FAM167A: variants seen among roughly 807,000 people sequenced by gnomAD.
FAM167A encodes protein FAM167A.
A neutral mutation model predicts 14.9 loss-of-function variants in FAM167A; 23 were observed. That is an observed-to-expected ratio of 1.55 (90% CI 1.11 to 2.19). FAM167A has a LOEUF of 2.19. Among genes scored for constraint, FAM167A ranks in the 30% most tolerant of loss-of-function variants. The pLI is 0.00. For missense variants in FAM167A, 401 were observed against 281.5 expected (o/e 1.42, Z -3.04); for synonymous variants, 174 against 117.7 (o/e 1.48, Z -3.10).
At chr8:11,425,608 G>T (rs1037175634) in intron 2 of FAM167A, among the ~76,000 whole-genome samples, 5 of 152,054 alleles carry the variant, frequency 3.3e-5, no homozygotes, top group Non-Finnish European at 5.9e-5. Context: ...GGACCCCAGA[G>T]AAGCCTGAAA....
intron 1 of FAM167A, among the ~76,000 whole-genome samples, chr8:11,455,811 G>A (rs1415602359): frequency 2.0e-5 from 3 of 149,502 alleles, no homozygotes; most frequent in East Asian, 4.0e-4. Flanking sequence ...GTGTTGGGTG[G>A]TTGCCTTGCT....
intron 2 of FAM167A, among the ~76,000 whole-genome samples, chr8:11,429,382 G>C (rs535791975): frequency 8.5e-5 from 13 of 152,226 alleles, no homozygotes; most frequent in African/African-American, 1.2e-4. Flanking sequence ...AAGGCACAGA[G>C]GGCTGCGCCA....
intron 1 of FAM167A, among the ~76,000 whole-genome samples, chr8:11,461,623 C>T (rs1036213748): frequency 6.6e-6 from 1 of 152,246 alleles, no homozygotes; most frequent in African/African-American, 2.4e-5. Flanking sequence ...GATGTGTGCC[C>T]TCCCCTGTGG....
chr8:11,463,941 T>C (rs527556577), intron 1 of FAM167A, among the ~76,000 whole-genome samples: 3 of 152,294 alleles, frequency 2.0e-5, no homozygotes, highest in Non-Finnish European at 4.4e-5. Context: ...TACTATGTGC[T>C]TGCTAAGGCC....
intron 2 of FAM167A, chr8:11,433,903 T>C (rs1487824492): frequency 2.0e-5 from 3 of 152,250 alleles, no homozygotes; most frequent in Non-Finnish European, 4.4e-5. Context: ...CCTTATCTTA[T>C]TTAACTTCAC....
At chr8:11,452,867 C>G (rs558609586) in intron 1 of FAM167A, among the ~76,000 whole-genome samples, 1 of 152,308 alleles carries the variant, frequency 6.6e-6, no homozygotes, top group East Asian at 1.9e-4. Flanking sequence ...GTTCACCGAG[C>G]ATCAGCACAC....
At chr8:11,472,893 A>C (rs1451116084) in intron 1 of FAM167A, among the ~76,000 whole-genome samples, 5 of 152,242 alleles carry the variant, frequency 3.3e-5, no homozygotes, top group African/African-American at 9.6e-5. Flanking sequence ...CAGAGGCAGG[A>C]GGCCGGACCA....
rs746237803 is a variant in FAM167A, at chr8:11,444,441, CG to C, written c.-31del. ...CAGTCTGCCCTGGCAGCCGGACATGCGAGGGCACGGGGGGCGCAGGGGGAGG... is the reference window on the plus strand; with the variant it reads ...CAGTCTGCCCTGGCAGCCGGACATGCAGGGCACGGGGGGCGCAGGGGGAGG... On this transcript the variant is annotated 5_prime_UTR_variant, in exon 2 of 3. It removes the in-frame stop codon of an upstream open reading frame in the 5' UTR. Transcript: ENST00000284486. 6.6e-7 allele frequency: 1 copy of C among 1,504,274 alleles called. No individual in the cohort carries two copies. Among genetic ancestry groups the C allele is most frequent in the East Asian group, 2.4e-5 (1 of 42,442 alleles). The allele number at this position is 1,504,274 out of a possible 1,614,324, so 93.2% of individuals were successfully genotyped here.
chr8:11,425,476 C>T (rs1282361830), intron 2 of FAM167A, among the ~76,000 whole-genome samples: 1 of 152,188 alleles, frequency 6.6e-6, no homozygotes, highest in African/African-American at 2.4e-5. Context: ...TAGCAGAGTG[C>T]TTAGTGACCT....
At chr8:11,465,304 G>A (rs117575021) in intron 1 of FAM167A, among the ~76,000 whole-genome samples, 265 of 152,172 alleles carry the variant, frequency 1.7e-3, no homozygotes, top group Non-Finnish European at 3.4e-3. Context: ...AGCAGCCTTC[G>A]TCTGAGAGCA....
At position 11,426,200 on chromosome 8, in the gene FAM167A, A is replaced by G. The variant is rs1190979692; in HGVS notation, c.382-1564T>C. Reference sequence around the variant, plus strand: ...TCTTTGAATCTACCTAAGACCTGTAAGCACCCCCACCCTCCAAGCCCCTTC... The same window carrying G: ...TCTTTGAATCTACCTAAGACCTGTAGGCACCCCCACCCTCCAAGCCCCTTC... On this transcript the variant is annotated intron_variant, in intron 2 of 2. Coordinates refer to ENST00000284486, the MANE Select transcript of FAM167A (RefSeq NM_053279.3). 2.0e-5 allele frequency among the ~76,000 whole-genome samples: 3 copies of G among 152,210 alleles called. No individual in the cohort carries two copies. The East Asian group carries it at 5.8e-4, about 29-fold the overall frequency.
At chr8:11,425,410 T>A (rs1276456184) in intron 2 of FAM167A, among the ~76,000 whole-genome samples, 1 of 152,156 alleles carries the variant, frequency 6.6e-6, no homozygotes, top group Non-Finnish European at 1.5e-5. Flanking sequence ...AGAACCAAAA[T>A]GACTGACAAT....
At chr8:11,438,467 G>A (rs556844352) in intron 2 of FAM167A, 1 of 457,368 alleles carries the variant, frequency 2.2e-6, no homozygotes, top group African/African-American at 2.0e-5. Flanking sequence ...ACAAGGTGAA[G>A]AATGCATACC....
intron 2 of FAM167A, chr8:11,438,069 C>G (rs973438009): frequency 4.3e-5 from 19 of 446,416 alleles, no homozygotes; most frequent in Middle Eastern, 6.6e-4. Flanking sequence ...GAGCCCTGAC[C>G]CATCCACCTT....
intron 1 of FAM167A, among the ~76,000 whole-genome samples, chr8:11,446,994 T>C (rs1020826737): frequency 1.1e-4 from 17 of 152,150 alleles, no homozygotes; most frequent in Non-Finnish European, 1.0e-4. Flanking sequence ...CCCTGAGTTC[T>C]GTGAGGAGAT....
At chr8:11,458,423 C>G (rs536555271) in intron 1 of FAM167A, among the ~76,000 whole-genome samples, 45 of 152,150 alleles carry the variant, frequency 3.0e-4, no homozygotes, top group Non-Finnish European at 5.1e-4. Context: ...GTGAACAGAT[C>G]TATCTTTTTC....
intron 1 of FAM167A, among the ~76,000 whole-genome samples, chr8:11,456,085 GGTGGTTGCCTTGCTGTGTGTGTGTGTGAA>G (rs1807269480): frequency 6.9e-6 from 1 of 144,892 alleles, no homozygotes; most frequent in Non-Finnish European, 1.5e-5. Context: ...GAGTGTGGGA[GGTGGTTGCCTTGCTGTGTGTGTGTGTGAA>G]TGTGGGAGGT....
At chr8:11,445,101 T>C (rs1806704450) in intron 1 of FAM167A, 2 of 981,454 alleles carry the variant, frequency 2.0e-6, no homozygotes, top group Non-Finnish European at 2.4e-6. Context: ...TTTATTCTCA[T>C]TTCACACACG....
intron 2 of FAM167A, chr8:11,435,150 C>T: frequency 2.2e-6 from 1 of 456,554 alleles, no homozygotes; most frequent in South Asian, 1.5e-5. Context: ...CCTCCTCTCC[C>T]ACTCTGATGC....
Sources: allele counts gnomAD v4.1 joint callset (sites outside exome capture counted in the v4.1 genomes callset), GRCh38; gene constraint gnomAD v4.1.1; transcripts MANE v1.5; gene names NCBI Gene and HGNC (gene_info 2026-07-23, HGNC 2026-07-21).